CSMD1: variants seen among roughly 807,000 people sequenced by gnomAD.
CSMD1 encodes CUB and Sushi multiple domains 1.
CSMD1 carries 213 observed loss-of-function variants against 417.5 expected under a neutral mutation model. The observed-to-expected ratio is 0.51, with a 90% CI of 0.46 to 0.57. The LOEUF is 0.57. CSMD1 is among the 20% of genes least tolerant of loss of function. CSMD1 has a pLI of 0.00. For missense variants in CSMD1, 6,923 were observed against 4,529.7 expected (o/e 1.53, Z -15.17); for synonymous variants, 2,862 against 1,736.8 (o/e 1.65, Z -16.11).
At chr8:3,390,339 A>G (rs1337676240) in intron 17 of CSMD1, among the ~76,000 whole-genome samples, 2 of 131,228 alleles carry the variant, frequency 1.5e-5, no homozygotes, top group Admixed American at 8.7e-5. Flanking sequence ...TGGGCGACAG[A>G]GCAAGACTCT....
At chr8:4,565,590 C>T (rs913454307) in intron 2 of CSMD1, among the ~76,000 whole-genome samples, 1 of 151,618 alleles carries the variant, frequency 6.6e-6, no homozygotes, top group Admixed American at 6.6e-5. Context: ...CAAAAATTAG[C>T]TGGGTGTGCT....
chr8:3,536,068 C>T (rs1798185237), intron 10 of CSMD1, among the ~76,000 whole-genome samples: 1 of 152,190 alleles, frequency 6.6e-6, no homozygotes, highest in African/African-American at 2.4e-5. Context: ...TGGCCATACA[C>T]AAGTAGAGAT....
chr8:4,399,871 C>G (rs529489822), intron 3 of CSMD1, among the ~76,000 whole-genome samples: 1 of 152,086 alleles, frequency 6.6e-6, no homozygotes, highest in Non-Finnish European at 1.5e-5. Flanking sequence ...TAAAAGTGTA[C>G]CAAAGTAGTA....
At chr8:3,474,723 A>G (rs1056851859) in intron 11 of CSMD1, among the ~76,000 whole-genome samples, 1 of 152,132 alleles carries the variant, frequency 6.6e-6, no homozygotes. Flanking sequence ...CCTATTAATG[A>G]TGTTAAGTGG....
At chr8:4,755,264 A>C (rs17071205) in intron 1 of CSMD1, among the ~76,000 whole-genome samples, 3 of 152,174 alleles carry the variant, frequency 2.0e-5, no homozygotes, top group Non-Finnish European at 4.4e-5. Flanking sequence ...GACAATATTT[A>C]TGACTTTGCC....
chr8:4,667,993 TCG>T (rs1805046239), intron 1 of CSMD1, among the ~76,000 whole-genome samples: 1 of 152,250 alleles, frequency 6.6e-6, no homozygotes, highest in African/African-American at 2.4e-5. Context: ...TACAATATTT[TCG>T]ACTCCATTTT....
At chr8:3,025,055 G>C (rs78745369) in intron 51 of CSMD1, among the ~76,000 whole-genome samples, 617 of 148,034 alleles carry the variant, frequency 4.2e-3, no homozygotes, top group East Asian at 0.011. Flanking sequence ...TGTATTGTGT[G>C]GTGTTATTCT....
intron 10 of CSMD1, among the ~76,000 whole-genome samples, chr8:3,500,368 G>T (rs912756115): frequency 6.6e-6 from 1 of 152,108 alleles, no homozygotes; most frequent in East Asian, 1.9e-4. Context: ...AAGCCACTGT[G>T]GCCAGTGAGC....
At chr8:3,216,700 C>T (rs767561523) in intron 29 of CSMD1, among the ~76,000 whole-genome samples, 1 of 152,234 alleles carries the variant, frequency 6.6e-6, no homozygotes, top group Non-Finnish European at 1.5e-5. Context: ...AACTAGATGA[C>T]TTCATAACAG....
chr8:3,598,766 A>C (rs1801214237), intron 8 of CSMD1, among the ~76,000 whole-genome samples: 1 of 152,116 alleles, frequency 6.6e-6, no homozygotes, highest in African/African-American at 2.4e-5. Flanking sequence ...TTCTTTTGAG[A>C]ACAGCAGATA....
At chr8:2,979,767 A>C (rs753975158) in intron 54 of CSMD1, among the ~76,000 whole-genome samples, 1 of 152,228 alleles carries the variant, frequency 6.6e-6, no homozygotes, top group Non-Finnish European at 1.5e-5. Context: ...ATAATGTTCT[A>C]TGCTTCCTAA....
At chr8:3,622,678 A>ACAGGC (rs1235442735) in intron 7 of CSMD1, among the ~76,000 whole-genome samples, 1 of 152,274 alleles carries the variant, frequency 6.6e-6, no homozygotes, top group Non-Finnish European at 1.5e-5. Flanking sequence ...AATGTAAAAT[A>ACAGGC]CAGGCGATTT....
intron 1 of CSMD1, among the ~76,000 whole-genome samples, chr8:4,895,437 G>T (rs1230855946): frequency 6.6e-6 from 1 of 152,050 alleles, no homozygotes; most frequent in Non-Finnish European, 1.5e-5. Context: ...TTCATTTTCT[G>T]TGATATCAAC....
Position 3,760,410 on chromosome 8 carries a change from T to G in CSMD1, c.819-6368A>C, listed in dbSNP as rs1375415045. Among the ~76,000 whole-genome samples the G allele has an allele frequency of 2.6e-5, 4 of 152,218 alleles. No homozygotes were observed. In the East Asian group the frequency reaches 7.7e-4, roughly 29 times the overall value. ...TGGGATCCTTACAGTTACGACGACC[T>G]CCTTTGAGCTTAAATAGAACAGGCC... On this transcript the variant is annotated intron_variant, in intron 5 of 69. Transcript: ENST00000635120.
intron 11 of CSMD1, among the ~76,000 whole-genome samples, chr8:3,483,571 T>C (rs940114506): frequency 1.3e-5 from 2 of 152,056 alleles, no homozygotes; most frequent in African/African-American, 4.8e-5. Context: ...ACGTCAAGAT[T>C]TCATAAACTC....
At chr8:3,363,041 A>C (rs1809301516) in intron 20 of CSMD1, among the ~76,000 whole-genome samples, 1 of 152,164 alleles carries the variant, frequency 6.6e-6, no homozygotes. Context: ...AACTAACTTC[A>C]CGTCCCTCCA....
chr8:4,975,920 G>A (rs941359474), intron 1 of CSMD1, among the ~76,000 whole-genome samples: 11 of 152,250 alleles, frequency 7.2e-5, no homozygotes, highest in African/African-American at 2.4e-4. Flanking sequence ...GCTCACATTG[G>A]CCATATGTGA....
intron 2 of CSMD1, among the ~76,000 whole-genome samples, chr8:4,631,136 G>A (rs1044985946): frequency 1.3e-5 from 2 of 152,156 alleles, no homozygotes; most frequent in Non-Finnish European, 2.9e-5. Context: ...GCCGAGGCGG[G>A]TGGATCACGA....
At chr8:3,134,422 C>A (rs973503217) in intron 41 of CSMD1, among the ~76,000 whole-genome samples, 3 of 152,104 alleles carry the variant, frequency 2.0e-5, no homozygotes, top group African/African-American at 7.2e-5. Context: ...TTGTGGAGAA[C>A]GTTTGACTCT....
Sources: allele counts gnomAD v4.1 joint callset (sites outside exome capture counted in the v4.1 genomes callset), GRCh38; gene constraint gnomAD v4.1.1; transcripts MANE v1.5; gene names NCBI Gene and HGNC (gene_info 2026-07-23, HGNC 2026-07-21).